Variants in CHD1L observed in about 807,000 individuals in gnomAD.
The protein encoded by CHD1L is chromodomain helicase DNA binding protein 1 like.
CHD1L carries 118 observed loss-of-function variants against 115.9 expected under a neutral mutation model. That is an observed-to-expected ratio of 1.02 (90% confidence interval 0.88 to 1.19). The LOEUF is 1.19. CHD1L is among the 50% of genes most tolerant of loss of function. The pLI is 0.00. For missense variants in CHD1L, 1,179 were observed against 1,065.3 expected (o/e 1.11, Z -1.49); for synonymous variants, 411 against 387.1 (o/e 1.06, Z -0.72).
At chr1:147,284,091 G>T (rs1682055609) in intron 15 of CHD1L, among the ~76,000 whole-genome samples, 1 of 152,198 alleles carries the variant, frequency 6.6e-6, no homozygotes, top group South Asian at 2.1e-4. Flanking sequence ...ATCCAGCAGA[G>T]ATTCACAAAC....
chr1:147,215,667 T>C, the CHD1L span: 2 of 969,416 alleles, frequency 2.1e-6, no homozygotes, highest in Non-Finnish European at 3.1e-6. Flanking sequence ...AGCCAATCTT[T>C]AGAAGTAAAC....
the CHD1L span, among the ~76,000 whole-genome samples, chr1:147,185,361 A>G: frequency 6.6e-6 from 1 of 152,166 alleles, no homozygotes; most frequent in Non-Finnish European, 1.5e-5. Flanking sequence ...AAAAGAAATT[A>G]AAAGGAAGCA....
the CHD1L span, among the ~76,000 whole-genome samples, chr1:147,212,039 G>A: frequency 2.0e-5 from 3 of 152,106 alleles, no homozygotes; most frequent in South Asian, 2.1e-4. Flanking sequence ...GAAGATCCTC[G>A]CTCTCAATAC....
intron 18 of CHD1L, 138 bp from the exon 19 acceptor site, chr1:147,287,497 T>A (rs1163854537): frequency 1.6e-6 from 1 of 607,296 alleles, no homozygotes; most frequent in Admixed American, 3.0e-5. Flanking sequence ...CCTGTGATAT[T>A]CCTAGGAGAT....
intron 12 of CHD1L, 171 bp downstream of exon 12, chr1:147,272,452 C>T (rs1676609112): frequency 3.9e-6 from 2 of 512,340 alleles, no homozygotes; most frequent in Non-Finnish European, 6.9e-6. Context: ...TCCAGCCTGT[C>T]CAAACTGTCA....
rs781990234 is a variant in CHD1L at position 147,242,843 on chromosome 1, C to A, written c.127+13C>A. The A allele has an allele frequency of 1.3e-4, 163 of 1,273,284 alleles. No homozygotes were observed. The highest frequency in any genetic ancestry group is 3.8e-5 in the South Asian group (1 of 26,406). 78.9% of individuals were successfully genotyped at this position (1,273,284 alleles called of 1,614,324 possible). On this transcript the variant is annotated intron_variant, in intron 1 of 22. Coordinates refer to ENST00000369258, the MANE Select transcript of CHD1L (RefSeq NM_004284.6). ...TGGGGGCTGACAGGTGAGCGGGCTC[C>A]GGGCGGACTTCGGCCAGGCGGGCCA... is the stretch of plus-strand genomic sequence containing the variant.
chr1:147,195,138 G>C, the CHD1L span, among the ~76,000 whole-genome samples: 22 of 152,086 alleles, frequency 1.4e-4, no homozygotes, highest in Non-Finnish European at 3.1e-4. Flanking sequence ...GTCACTTTCA[G>C]GTTCACCAAT....
chr1:147,212,495 G>C, the CHD1L span: 7 of 1,613,694 alleles, frequency 4.3e-6, no homozygotes, highest in Admixed American at 5.0e-5. Flanking sequence ...GGTTCTTATA[G>C]TCTCGACTGT....
At chr1:147,203,273 T>C in the CHD1L span, 17 of 1,562,110 alleles carry the variant, frequency 1.1e-5, no homozygotes, top group Admixed American at 3.0e-4. Flanking sequence ...TTAAGCCAAT[T>C]TCAATCATTT....
chr1:147,229,451 C>T, the CHD1L span, among the ~76,000 whole-genome samples: 136 of 152,166 alleles, frequency 8.9e-4, no homozygotes, highest in East Asian at 0.021. Flanking sequence ...GTGATGCCTC[C>T]GGCTTTGTTC....
At chr1:147,173,840 C>G in the CHD1L span, among the ~76,000 whole-genome samples, 2 of 152,194 alleles carry the variant, frequency 1.3e-5, no homozygotes, top group Non-Finnish European at 2.9e-5. Context: ...TGGCAGAGAG[C>G]AGATCCAGAT....
chr1:147,260,656 C>T (rs868974337), intron 6 of CHD1L: 1 of 152,154 alleles, frequency 6.6e-6, no homozygotes, highest in Non-Finnish European at 1.5e-5. Flanking sequence ...ACCCTTCCCC[C>T]CAATTTACCT....
At chr1:147,290,246 G>A (rs1002480691) in intron 19 of CHD1L, among the ~76,000 whole-genome samples, 1 of 151,648 alleles carries the variant, frequency 6.6e-6, no homozygotes, top group African/African-American at 2.4e-5. Flanking sequence ...ACCATGCCCG[G>A]CCACTCTTTT....
intron 11 of CHD1L, 148 bp from the exon 12 acceptor site, chr1:147,272,023 A>G: frequency 1.8e-6 from 1 of 560,996 alleles, no homozygotes; most frequent in African/African-American, 1.9e-5. Flanking sequence ...GTTAATTTAA[A>G]TTTTTCCCTT....
chr1:147,268,982 T>TC lies in CHD1L; in HGVS notation c.1085+104_1085+105insC, dbSNP rs1675067337. 5 of 781,854 alleles carry TC rather than the reference T, an allele frequency of 6.4e-6. No individual in the cohort carries two copies. The Admixed American group carries it at 1.3e-4, about 21-fold the overall frequency. The allele number at this position is 781,854 out of a possible 1,614,324, so 48.4% of individuals were successfully genotyped here. A position where few individuals can be genotyped will look rare whatever the true frequency, so the allele number is the denominator to read the frequency against. On this transcript the variant is annotated intron_variant, in intron 10 of 22. Coordinates refer to ENST00000369258, the MANE Select transcript of CHD1L (RefSeq NM_004284.6). The stretch of plus-strand genomic sequence containing the variant: ...CAGGCCAATTCCAGTTTTCTTTTTT[T>TC]TCTTAACACTGATTCAGGTTCTGCC...
the CHD1L span, among the ~76,000 whole-genome samples, chr1:147,193,878 G>A: frequency 6.6e-6 from 1 of 152,096 alleles, no homozygotes; most frequent in Non-Finnish European, 1.5e-5. Context: ...GAGACAGTTT[G>A]TTATAATTTC....
chr1:147,246,041 C>T (rs1666510322), intron 1 of CHD1L, among the ~76,000 whole-genome samples: 2 of 152,310 alleles, frequency 1.3e-5, no homozygotes, highest in African/African-American at 4.8e-5. Flanking sequence ...GATAGCTACA[C>T]TCACCTCCCT....
the CHD1L span, among the ~76,000 whole-genome samples, chr1:147,202,361 C>T: frequency 7.1e-5 from 8 of 112,476 alleles, no homozygotes; most frequent in Admixed American, 2.7e-4. Flanking sequence ...CTTCTTTTGC[C>T]GAAGCTGGAG....
the CHD1L span, among the ~76,000 whole-genome samples, chr1:147,202,835 A>G: frequency 1.6e-4 from 24 of 152,118 alleles, no homozygotes; most frequent in Non-Finnish European, 1.6e-4. Context: ...ATCCATCCAT[A>G]TAGTTGCCCA....
Sources: allele counts gnomAD v4.1 joint callset (sites outside exome capture counted in the v4.1 genomes callset), GRCh38; gene constraint gnomAD v4.1.1; transcripts MANE v1.5; gene names NCBI Gene and HGNC (gene_info 2026-07-23, HGNC 2026-07-21).